EYS: variants seen among roughly 807,000 people sequenced by gnomAD.
EYS encodes EGF-like photoreceptor maintenance factor.
EYS carries 250 observed loss-of-function variants against 282.1 expected under a neutral mutation model. The ratio of observed to expected loss-of-function variants is 0.89; its 90% CI spans 0.80 to 0.98. The LOEUF (loss-of-function observed/expected upper bound fraction) is 0.98, where lower values mean the gene tolerates loss of function less well. EYS is among the 50% of genes least tolerant of loss of function. EYS has a pLI of 0.00. For synonymous variants in EYS, 1,355 were observed against 1,282.9 expected (o/e 1.06, Z -1.20); for missense variants, 4,016 against 3,709.0 (o/e 1.08, Z -2.15).
Position 65,500,283 on chromosome 6 carries a change from C to G in EYS, c.-332-4290G>C, listed in dbSNP as rs893287010. Among the ~76,000 whole-genome samples the G allele has an allele frequency of 6.6e-4, 100 of 152,086 alleles. 1 individual carries two copies. The highest frequency in any genetic ancestry group is 2.3e-3 in the African/African-American group (97 of 41,538). ...AGCGGCTGAGGCAAAAGATGATAAA[C>G]AATCCTGGAGAACAATAATATTCAA... is the stretch of plus-strand genomic sequence containing the variant. On this transcript the variant is annotated intron_variant, in intron 2 of 42. Coordinates refer to ENST00000503581, the MANE Select transcript of EYS (RefSeq NM_001142800.2).
chr6:64,552,742 C>G (rs184751494), intron 26 of EYS, among the ~76,000 whole-genome samples: 7 of 149,722 alleles, frequency 4.7e-5, no homozygotes, highest in Non-Finnish European at 8.9e-5. Context: ...GTGAACCCCC[C>G]CCACCATCTC....
At chr6:65,239,027 T>C (rs1766993811) in intron 12 of EYS, among the ~76,000 whole-genome samples, 1 of 152,044 alleles carries the variant, frequency 6.6e-6, no homozygotes, top group South Asian at 2.1e-4. Flanking sequence ...GAGAATATCA[T>C]AGGCTTACTA....
intron 22 of EYS, among the ~76,000 whole-genome samples, chr6:64,700,805 C>T (rs1274117976): frequency 1.3e-5 from 2 of 151,894 alleles, no homozygotes; most frequent in Admixed American, 1.3e-4. Context: ...CTATCCAAAG[C>T]AAAGTACAGA....
chr6:65,467,506 C>A (rs1189822326), intron 5 of EYS, among the ~76,000 whole-genome samples: 1 of 150,138 alleles, frequency 6.7e-6, no homozygotes, highest in African/African-American at 2.5e-5. Context: ...ACTATTTAAA[C>A]ACACACACAC....
intron 5 of EYS, among the ~76,000 whole-genome samples, chr6:65,471,227 T>TCCAA (rs1765201652): frequency 1.6e-5 from 1 of 63,276 alleles, no homozygotes; most frequent in Non-Finnish European, 3.4e-5. Context: ...ACCTCATCTT[T>TCCAA]ACAAAAAAAA....
chr6:64,738,148 C>A (rs1772246078), intron 22 of EYS, among the ~76,000 whole-genome samples: 1 of 152,090 alleles, frequency 6.6e-6, no homozygotes, highest in Non-Finnish European at 1.5e-5. Flanking sequence ...CCCTCAAAAC[C>A]TCATATTGAA....
chr6:64,356,193 T>C (rs1030499054), intron 29 of EYS, among the ~76,000 whole-genome samples: 1 of 151,608 alleles, frequency 6.6e-6, no homozygotes, highest in East Asian at 1.9e-4. Flanking sequence ...TTTATGTTTT[T>C]ATATTTTTTT....
intron 16 of EYS, among the ~76,000 whole-genome samples, chr6:64,909,331 T>C (rs1279265931): frequency 2.0e-5 from 3 of 152,190 alleles, no homozygotes; most frequent in Admixed American, 1.3e-4. Context: ...AATAAATTTC[T>C]AGGTGTGTAA....
intron 2 of EYS, among the ~76,000 whole-genome samples, chr6:65,543,464 T>C (rs969315829): frequency 4.7e-5 from 7 of 148,240 alleles, no homozygotes; most frequent in African/African-American, 1.7e-4. Context: ...ATTTATATAT[T>C]AATTATGTGT....
rs916176919 is a variant in EYS at position 64,404,414 on chromosome 6, C to T, written c.5928-15574G>A. Among the ~76,000 whole-genome samples, 4 of 144,492 alleles carry T rather than the reference C, an allele frequency of 2.8e-5. No individual in the cohort carries two copies. In the East Asian group the frequency reaches 6.4e-4, roughly 23 times the overall value. 94.8% of individuals were successfully genotyped at this position (144,492 alleles called of 152,430 possible). A position where few individuals can be genotyped will look rare whatever the true frequency, so the allele number is the denominator to read the frequency against. ...GTGTGTGTGTGTGTGTGTGTGTGTG[C>T]ACGCACGCGTGTGAGCTTTTAAGAG... On this transcript the variant is annotated intron_variant, in intron 28 of 42. Transcript: ENST00000503581.
At chr6:65,560,716 A>T (rs1458961109) in intron 2 of EYS, among the ~76,000 whole-genome samples, 1 of 152,070 alleles carries the variant, frequency 6.6e-6, no homozygotes, top group Non-Finnish European at 1.5e-5. Context: ...AAATGGATAT[A>T]TATAATGAAT....
intron 8 of EYS, among the ~76,000 whole-genome samples, chr6:65,355,735 C>T (rs565813278): frequency 4.9e-4 from 74 of 152,160 alleles, no homozygotes; most frequent in African/African-American, 1.7e-3. Flanking sequence ...AAATGCTCAA[C>T]ATCACCAATC....
intron 8 of EYS, among the ~76,000 whole-genome samples, chr6:65,383,944 C>T (rs1220786098): frequency 6.6e-6 from 1 of 151,786 alleles, no homozygotes; most frequent in Non-Finnish European, 1.5e-5. Context: ...AGTAACATTG[C>T]TAGGTTGTGG....
chr6:64,361,219 T>TG lies in EYS; in HGVS notation c.6078+27470_6078+27471insC, dbSNP rs368169102. Among the ~76,000 whole-genome samples, 23 of 151,540 alleles carry TG rather than the reference T, an allele frequency of 1.5e-4. 1 individual carries two copies. In the South Asian group the frequency reaches 4.0e-3, roughly 26 times the overall value. ...TTTAATCAGAAAATATGGTTTTTTT[T>TG]TGTGCCTACTATGTGCAAGGCCCTG... On this transcript the variant is annotated intron_variant, in intron 29 of 42. Transcript: ENST00000503581.
At chr6:63,974,258 T>A (rs1049312321) in intron 35 of EYS, among the ~76,000 whole-genome samples, 6 of 151,996 alleles carry the variant, frequency 3.9e-5, no homozygotes, top group Non-Finnish European at 8.8e-5. Flanking sequence ...AATCTATAAG[T>A]GGTCAAAAAT....
chr6:65,459,118 A>T (rs768910019), intron 5 of EYS, among the ~76,000 whole-genome samples: 28 of 152,132 alleles, frequency 1.8e-4, no homozygotes, highest in African/African-American at 3.1e-4. Flanking sequence ...ACACACAGTC[A>T]TTAAAATCTG....
At chr6:64,926,032 C>G (rs943801899) in intron 15 of EYS, among the ~76,000 whole-genome samples, 1 of 152,140 alleles carries the variant, frequency 6.6e-6, no homozygotes, top group Non-Finnish European at 1.5e-5. Context: ...CTGCTGTGCT[C>G]TCGTACTCCC....
chr6:65,177,482 A>G (rs145571379), intron 12 of EYS, among the ~76,000 whole-genome samples: 3 of 151,926 alleles, frequency 2.0e-5, no homozygotes, highest in Admixed American at 2.0e-4. Context: ...ACTATATTTC[A>G]GGATTGTTTG....
intron 26 of EYS, among the ~76,000 whole-genome samples, chr6:64,556,076 A>C (rs1197775759): frequency 6.6e-6 from 1 of 152,050 alleles, no homozygotes; most frequent in Non-Finnish European, 1.5e-5. Context: ...AGACAATTTA[A>C]AAGTTTCTTT....
Sources: gnomAD v4.1 joint callset for allele counts (sites outside exome capture counted in the v4.1 genomes callset) on GRCh38, gnomAD v4.1.1 for gene constraint, MANE v1.5 for transcripts, NCBI Gene and HGNC (gene_info 2026-07-23, HGNC 2026-07-21) for gene names.